Variants in PTPRD observed in about 807,000 individuals in gnomAD.
The protein encoded by PTPRD is receptor-type tyrosine-protein phosphatase delta.
In PTPRD, 34 loss-of-function variants were observed where a neutral mutation model predicts 214.5. The ratio of observed to expected loss-of-function variants is 0.16; its 90% confidence interval spans 0.12 to 0.21. The LOEUF is 0.21. PTPRD is among the 10% of genes least tolerant of loss of function. The pLI, the probability that PTPRD is intolerant of heterozygous loss-of-function variation, is 1.00. For synonymous variants in PTPRD, 1,128 were observed against 845.7 expected (o/e 1.33, Z -5.79); for missense variants, 2,545 against 2,398.7 (o/e 1.06, Z -1.27).
intron 39 of PTPRD, among the ~76,000 whole-genome samples, chr9:8,371,656 T>G (rs1377016237): frequency 6.6e-6 from 1 of 152,078 alleles, no homozygotes; most frequent in African/African-American, 2.4e-5. Context: ...GCATTCCAGC[T>G]TAAAGAAATT....
chr9:10,069,535 C>T (rs953134967), intron 3 of PTPRD, among the ~76,000 whole-genome samples: 1 of 151,938 alleles, frequency 6.6e-6, no homozygotes, highest in Non-Finnish European at 1.5e-5. Context: ...GAAAATAATG[C>T]TTTTTCTTTC....
intron 14 of PTPRD, among the ~76,000 whole-genome samples, chr9:8,611,555 A>T (rs1310409205): frequency 6.6e-6 from 1 of 151,908 alleles, no homozygotes; most frequent in Non-Finnish European, 1.5e-5. Flanking sequence ...AAATACAAAA[A>T]TTAGCAGGGC....
At chr9:8,365,803 C>T (rs1229561847) in intron 39 of PTPRD, among the ~76,000 whole-genome samples, 1 of 152,130 alleles carries the variant, frequency 6.6e-6, no homozygotes, top group African/African-American at 2.4e-5. Context: ...GCCCACTGGA[C>T]CAGGATGAAA....
intron 2 of PTPRD, among the ~76,000 whole-genome samples, chr9:10,360,398 C>T (rs1168748114): frequency 1.3e-5 from 2 of 152,204 alleles, no homozygotes; most frequent in Non-Finnish European, 2.9e-5. Flanking sequence ...CATGCCATTG[C>T]TAGCCATTCT....
chr9:9,491,141 G>A (rs1025784030), intron 8 of PTPRD, among the ~76,000 whole-genome samples: 1 of 151,756 alleles, frequency 6.6e-6, no homozygotes, highest in Non-Finnish European at 1.5e-5. Flanking sequence ...AAGAGAGCAG[G>A]GGGTGGCTGC....
At chr9:10,150,436 TCA>T (rs1345274527) in intron 3 of PTPRD, among the ~76,000 whole-genome samples, 1 of 151,986 alleles carries the variant, frequency 6.6e-6, no homozygotes, top group Non-Finnish European at 1.5e-5. Flanking sequence ...CTGAATGTTC[TCA>T]CTCATAGGTG....
chr9:8,376,720 A>C lies in PTPRD; in HGVS notation c.4393T>G (p.Cys1465Gly). The change falls in exon 38 of 46, where the codon TGT becomes GGT. Residue 1465 changes from cysteine to glycine, a missense_variant. By Grantham distance (159) the Cys-to-Gly change is radical. Transcript: ENST00000381196. ...TKLEERSRVK[C>G]DQYWPSRGTE... ...CCTCTGCTAGGCCAATACTGGTCACACTTCACCTACAAGAAACAAGTGACA... is the reference window on the plus strand; with the variant it reads ...CCTCTGCTAGGCCAATACTGGTCACCCTTCACCTACAAGAAACAAGTGACA... 1 of 1,612,868 alleles carries C rather than the reference A, an allele frequency of 6.2e-7. No individual in the cohort carries two copies. The highest frequency in any genetic ancestry group is 8.5e-7 in the Non-Finnish European group (1 of 1,179,202).
At chr9:9,953,786 C>T (rs1040787862) in intron 4 of PTPRD, among the ~76,000 whole-genome samples, 2 of 152,180 alleles carry the variant, frequency 1.3e-5, no homozygotes, top group African/African-American at 2.4e-5. Flanking sequence ...TTATGTCATG[C>T]TCATGCTACA....
chr9:8,535,235 G>C (rs1302561414), intron 14 of PTPRD, among the ~76,000 whole-genome samples: 1 of 151,846 alleles, frequency 6.6e-6, no homozygotes, highest in Non-Finnish European at 1.5e-5. Context: ...GGGATCAGAG[G>C]CATGTGACTC....
At chr9:9,623,490 C>T (rs145817972) in intron 7 of PTPRD, among the ~76,000 whole-genome samples, 11 of 152,290 alleles carry the variant, frequency 7.2e-5, no homozygotes, top group East Asian at 3.9e-4. Context: ...CACTCACTGA[C>T]GGCTGAACCA....
intron 2 of PTPRD, among the ~76,000 whole-genome samples, chr9:10,469,183 G>A (rs998870455): frequency 6.6e-6 from 1 of 151,966 alleles, no homozygotes; most frequent in Admixed American, 6.6e-5. Context: ...CAAACATTAT[G>A]GTTGCCCATA....
At chr9:9,516,320 G>A (rs919323040) in intron 8 of PTPRD, among the ~76,000 whole-genome samples, 1 of 151,872 alleles carries the variant, frequency 6.6e-6, no homozygotes, top group African/African-American at 2.4e-5. Flanking sequence ...AGCTTTTGTT[G>A]TCTTGTGAGA....
intron 12 of PTPRD, among the ~76,000 whole-genome samples, chr9:8,697,786 G>A (rs111244951): frequency 6.6e-6 from 1 of 151,904 alleles, no homozygotes; most frequent in Non-Finnish European, 1.5e-5. Flanking sequence ...TGTGTGTTTG[G>A]GGAGGAGCAC....
intron 9 of PTPRD, among the ~76,000 whole-genome samples, chr9:9,187,851 A>G (rs1428898988): frequency 6.6e-6 from 1 of 151,860 alleles, no homozygotes; most frequent in Non-Finnish European, 1.5e-5. Flanking sequence ...ATGTGACACC[A>G]TTATAAGAAC....
At chr9:10,134,279 G>A (rs527802856) in intron 3 of PTPRD, among the ~76,000 whole-genome samples, 102 of 152,260 alleles carry the variant, frequency 6.7e-4, no homozygotes, top group African/African-American at 2.4e-3. Flanking sequence ...AAGGGAGAAG[G>A]GAGCACAGCC....
At chr9:9,948,284 A>T (rs2093041727) in intron 4 of PTPRD, among the ~76,000 whole-genome samples, 1 of 152,044 alleles carries the variant, frequency 6.6e-6, no homozygotes, top group Non-Finnish European at 1.5e-5. Context: ...CTTTCACTGT[A>T]TCTCAATTTT....
chr9:8,767,170 T>G (rs1466080137), intron 11 of PTPRD, among the ~76,000 whole-genome samples: 1 of 152,152 alleles, frequency 6.6e-6, no homozygotes, highest in Non-Finnish European at 1.5e-5. Context: ...CAGGCTGGAA[T>G]GCAATGGCAC....
At chr9:10,044,453 T>G (rs1589611980) in intron 3 of PTPRD, among the ~76,000 whole-genome samples, 1 of 151,876 alleles carries the variant, frequency 6.6e-6, no homozygotes, top group East Asian at 1.9e-4. Flanking sequence ...GATAGTTATA[T>G]TTCTTCATAA....
chr9:10,249,455 T>C (rs1181309812), intron 3 of PTPRD, among the ~76,000 whole-genome samples: 2 of 152,142 alleles, frequency 1.3e-5, no homozygotes, highest in African/African-American at 4.8e-5. Flanking sequence ...GACCTCAAAA[T>C]GTCCCTTCCT....
Sources: allele counts gnomAD v4.1 joint callset (sites outside exome capture counted in the v4.1 genomes callset), GRCh38; gene constraint gnomAD v4.1.1; transcripts MANE v1.5; gene names NCBI Gene and HGNC (gene_info 2026-07-23, HGNC 2026-07-21).